Variants in RTN4 observed in about 807,000 individuals in gnomAD.
The protein encoded by RTN4 is reticulon 4, also known as reticulon-4.
A neutral mutation model predicts 90.4 loss-of-function variants in RTN4; 32 were observed. The ratio of observed to expected loss-of-function variants is 0.35; its 90% CI spans 0.27 to 0.48. The LOEUF is 0.48. Ranked by LOEUF, RTN4 falls within the 20% of genes least tolerant of loss-of-function variation. RTN4 has a pLI of 0.99. For missense variants in RTN4, 1,706 were observed against 1,430.2 expected (o/e 1.19, Z -3.11); for synonymous variants, 629 against 552.5 (o/e 1.14, Z -1.94).
chr2:54,997,406 TG>T (rs1679516276), intron 3 of RTN4, among the ~76,000 whole-genome samples: 1 of 152,212 alleles, frequency 6.6e-6, no homozygotes, highest in Non-Finnish European at 1.5e-5. Flanking sequence ...AGATTGCTGA[TG>T]GGAATGTAAA....
chr2:55,000,941 C>G (rs1281894892), intron 3 of RTN4, among the ~76,000 whole-genome samples: 1 of 151,858 alleles, frequency 6.6e-6, no homozygotes, highest in Non-Finnish European at 1.5e-5. Flanking sequence ...AAATTGTTTT[C>G]TAGAAGCAAT....
intron 1 of RTN4, among the ~76,000 whole-genome samples, chr2:55,104,888 C>A (rs1667916407): frequency 6.6e-6 from 1 of 151,876 alleles, no homozygotes; most frequent in Non-Finnish European, 1.5e-5. Context: ...TTCACTGCAA[C>A]CTCAACCTCT....
intron 3 of RTN4, among the ~76,000 whole-genome samples, chr2:54,999,144 G>A (rs535763990): frequency 3.9e-5 from 6 of 152,240 alleles, no homozygotes; most frequent in South Asian, 4.1e-4. Flanking sequence ...AGTCCTTGCC[G>A]TTTGTCTCCA....
rs1681768183 is a variant in RTN4, at chr2:55,025,489, C to T, written c.2610G>A (p.Glu870=). 6 of 1,613,516 alleles carry T rather than the reference C, an allele frequency of 3.7e-6. No individual in the cohort carries two copies. The highest frequency in any genetic ancestry group is 5.1e-6 in the Non-Finnish European group (6 of 1,179,722). ...TTTTAGAACTGATCAATGTAGGGAA[C>T]TCATCTATAATTTCAATTGGAGATG... ...SDSSPIEIID[E]FPTLISSKTD... The change falls in exon 3 of 9, where the codon GAG becomes GAA. Residue 870 remains glutamate (E), a synonymous_variant. Transcript: ENST00000337526.
chr2:55,081,591 T>C (rs911666216), intron 1 of RTN4, among the ~76,000 whole-genome samples: 1 of 152,106 alleles, frequency 6.6e-6, no homozygotes, highest in African/African-American at 2.4e-5. Flanking sequence ...CAGCCAGGCA[T>C]GGTGGCTCAG....
At chr2:55,094,934 C>A (rs867416532) in intron 1 of RTN4, among the ~76,000 whole-genome samples, 1 of 152,264 alleles carries the variant, frequency 6.6e-6, no homozygotes, top group East Asian at 1.9e-4. Flanking sequence ...AATGAAATAA[C>A]CATGGTTTCC....
intron 3 of RTN4, 43 bp from the exon 4 acceptor site, chr2:54,987,741 T>A: frequency 2.0e-6 from 3 of 1,501,536 alleles, no homozygotes; most frequent in Non-Finnish European, 2.7e-6. Flanking sequence ...TGTTATTTTA[T>A]CAATTTGGAT....
At chr2:55,021,466 CT>C (rs3214741) in intron 3 of RTN4, among the ~76,000 whole-genome samples, 37,917 of 140,598 alleles carry the variant, frequency 0.27, 4,796 homozygotes, top group Non-Finnish European at 0.33. Flanking sequence ...TGCTTTTACA[CT>C]TTTTTTTTTT....
chr2:55,050,102 G>A lies in RTN4; in HGVS notation c.199C>T (p.Pro67Ser). ...RKPAAGLSAA[P>S]VPTAPAAGAP... Reference sequence around the variant, plus strand: ...CCGGCGGCAGGGGCGGTGGGCACTGGGGCCGCGGACAGCCCGGCGGCGGGC... The same window carrying A: ...CCGGCGGCAGGGGCGGTGGGCACTGAGGCCGCGGACAGCCCGGCGGCGGGC... Residue 67 changes from proline (P) to serine (S), a missense_variant, in exon 1 of 9, where the codon CCA (proline) becomes TCA (serine). By Grantham distance (74) the Pro-to-Ser change is moderately conservative. Coordinates refer to ENST00000337526, the MANE Select transcript of RTN4 (RefSeq NM_020532.5). The surrounding 1 kb of genome is among the most constrained non-coding windows in gnomAD (Gnocchi z 4.6). 2 of 1,492,784 alleles carry A rather than the reference G, an allele frequency of 1.3e-6. No homozygotes were observed. Among genetic ancestry groups the A allele is most frequent in the South Asian group, 1.3e-5 (1 of 79,134 alleles). The allele number at this position is 1,492,784 out of a possible 1,614,324, so 92.5% of individuals were successfully genotyped here. A position where few individuals can be genotyped will look rare whatever the true frequency, so the allele number is the denominator to read the frequency against.
At chr2:55,065,877 T>C (rs1180490890) in intron 2 of RTN4, among the ~76,000 whole-genome samples, 2 of 152,238 alleles carry the variant, frequency 1.3e-5, no homozygotes, top group African/African-American at 4.8e-5. Context: ...GGAACTACTC[T>C]ATACTTGATT....
chr2:55,037,942 C>A (rs1682802942), intron 1 of RTN4, among the ~76,000 whole-genome samples: 1 of 152,092 alleles, frequency 6.6e-6, no homozygotes, highest in Admixed American at 6.5e-5. Flanking sequence ...ATAGACAAAT[C>A]AGTAGAACAA....
intron 1 of RTN4, among the ~76,000 whole-genome samples, chr2:55,085,770 C>T (rs1668825949): frequency 6.6e-6 from 1 of 152,286 alleles, no homozygotes; most frequent in East Asian, 1.9e-4. Flanking sequence ...CTTTGATAAA[C>T]ATTATTGAAG....
chr2:55,081,266 AG>A (rs1573504530), intron 1 of RTN4, among the ~76,000 whole-genome samples: 1 of 152,056 alleles, frequency 6.6e-6, no homozygotes, highest in East Asian at 1.9e-4. Context: ...TTGTAGAGAC[AG>A]GGTCTCACTA....
chr2:54,975,195 C>T (rs1476749185), intron 5 of RTN4, among the ~76,000 whole-genome samples: 1 of 152,154 alleles, frequency 6.6e-6, no homozygotes, highest in East Asian at 1.9e-4. Flanking sequence ...AGCTGATAAG[C>T]AATAATTGGG....
chr2:55,132,493 A>G, the RTN4 span, among the ~76,000 whole-genome samples: 1 of 122,382 alleles, frequency 8.2e-6, no homozygotes. Flanking sequence ...ACAGAGTGAG[A>G]CTCTGTCTCA....
intron 5 of RTN4, among the ~76,000 whole-genome samples, chr2:54,982,036 C>T (rs1161404920): frequency 6.6e-6 from 1 of 151,966 alleles, no homozygotes; most frequent in African/African-American, 2.4e-5. Context: ...CTCACCGAAA[C>T]CTCTGCCTCC....
At chr2:55,027,672 A>G (rs1682010385) in intron 2 of RTN4, among the ~76,000 whole-genome samples, 187 bp from the exon 3 acceptor site, 1 of 150,974 alleles carries the variant, frequency 6.6e-6, no homozygotes, top group Admixed American at 6.6e-5. Context: ...GCTATTGTAA[A>G]TATAACATAT....
In RTN4 at chr2:54,974,645, G is replaced by A. The variant is rs548731840; in HGVS notation, c.3430+50C>T. On this transcript the variant is annotated intron_variant, in intron 6 of 8. Coordinates refer to ENST00000337526, the MANE Select transcript of RTN4 (RefSeq NM_020532.5). ...CTCCACTAAAATGTCTAAGCTCCTGGCACACAATCTTTCCAGCAATTTTTC... is the reference window on the plus strand; with the variant it reads ...CTCCACTAAAATGTCTAAGCTCCTGACACACAATCTTTCCAGCAATTTTTC... 3.0e-5 allele frequency: 41 copies of A among 1,364,604 alleles called. No individual in the cohort carries two copies. In the South Asian group the frequency reaches 4.1e-4, roughly 14 times the overall value. 84.5% of individuals were successfully genotyped at this position (1,364,604 alleles called of 1,614,324 possible).
At chr2:54,991,489 G>C (rs757917091) in intron 3 of RTN4, among the ~76,000 whole-genome samples, 1 of 152,156 alleles carries the variant, frequency 6.6e-6, no homozygotes, top group Non-Finnish European at 1.5e-5. Flanking sequence ...GTGTGATTTT[G>C]GATACGACTC....
Sources: gnomAD v4.1 joint callset for allele counts (sites outside exome capture counted in the v4.1 genomes callset) on GRCh38, gnomAD v4.1.1 for gene constraint, Gnocchi (gnomAD v3.1) non-coding constraint, MANE v1.5 for transcripts, NCBI Gene and HGNC (gene_info 2026-07-23, HGNC 2026-07-21) for gene names.